Variants in EHBP1 observed in about 807,000 individuals in gnomAD.
EHBP1 encodes EH domain-binding protein 1.
In EHBP1, 55 loss-of-function variants were observed where a neutral mutation model predicts 144.0. That is an observed-to-expected ratio of 0.38 (90% confidence interval 0.31 to 0.48). The LOEUF (loss-of-function observed/expected upper bound fraction) is 0.48, where lower values mean the gene tolerates loss of function less well. Ranked by LOEUF, EHBP1 falls within the 20% of genes least tolerant of loss-of-function variation. EHBP1 has a pLI of 0.98. For missense variants in EHBP1, 1,200 were observed against 1,364.2 expected (o/e 0.88, Z 1.90); for synonymous variants, 469 against 472.7 (o/e 0.99, Z 0.10).
At chr2:62,742,447 C>G (rs753784398) in intron 2 of EHBP1, among the ~76,000 whole-genome samples, 2 of 151,962 alleles carry the variant, frequency 1.3e-5, no homozygotes, top group Non-Finnish European at 2.9e-5. Context: ...AGTTTTGTCC[C>G]CCAGATTCCT....
intron 2 of EHBP1, among the ~76,000 whole-genome samples, chr2:62,737,675 C>G (rs1401629304): frequency 6.6e-6 from 1 of 152,164 alleles, no homozygotes; most frequent in East Asian, 1.9e-4. Context: ...AACTGCCAGA[C>G]TATTTTTCGT....
intron 10 of EHBP1, among the ~76,000 whole-genome samples, chr2:62,918,864 A>G (rs1037018679): frequency 6.6e-6 from 1 of 152,104 alleles, no homozygotes; most frequent in African/African-American, 2.4e-5. Context: ...AGCACCAGGA[A>G]TCTCTCTCCC....
At chr2:62,969,605 T>G (rs545025601) in intron 14 of EHBP1, among the ~76,000 whole-genome samples, 3 of 152,182 alleles carry the variant, frequency 2.0e-5, no homozygotes, top group Admixed American at 6.5e-5. Flanking sequence ...CTGTTTACTA[T>G]TTTTCCTATG....
chr2:62,805,577 C>A (rs2152508581), intron 5 of EHBP1, among the ~76,000 whole-genome samples: 1 of 151,676 alleles, frequency 6.6e-6, no homozygotes, highest in Middle Eastern at 3.4e-3. Context: ...TATAGTGGCG[C>A]AGTCTTGGCT....
intron 9 of EHBP1, 152 bp downstream of exon 9, chr2:62,865,123 T>C: frequency 1.2e-6 from 1 of 840,502 alleles, no homozygotes; most frequent in Non-Finnish European, 1.8e-6. Flanking sequence ...GTTTATAGTC[T>C]TAAACCTTAT....
At chr2:63,017,660 A>G (rs1382578554) in intron 19 of EHBP1, among the ~76,000 whole-genome samples, 1 of 152,180 alleles carries the variant, frequency 6.6e-6, no homozygotes, top group Non-Finnish European at 1.5e-5. Flanking sequence ...GAAATAAAAG[A>G]TGAAAAACAC....
At chr2:62,822,651 T>C (rs192195520) in intron 5 of EHBP1, among the ~76,000 whole-genome samples, 22 of 152,304 alleles carry the variant, frequency 1.4e-4, no homozygotes, top group African/African-American at 5.3e-4. Context: ...TTTTTCAAAG[T>C]GGCTGTATCA....
intron 5 of EHBP1, among the ~76,000 whole-genome samples, chr2:62,772,408 C>T (rs986544262): frequency 6.6e-6 from 1 of 152,036 alleles, no homozygotes; most frequent in Non-Finnish European, 1.5e-5. Flanking sequence ...ACAGCCCATC[C>T]AAATATAGTG....
intron 1 of EHBP1, among the ~76,000 whole-genome samples, chr2:62,676,557 A>G (rs2033303381): frequency 6.6e-6 from 1 of 152,230 alleles, no homozygotes; most frequent in Non-Finnish European, 1.5e-5. Flanking sequence ...TTGACACACC[A>G]GCCATGATCC....
Position 62,894,923 on chromosome 2 carries a change from AAGAAAGAG to A in EHBP1, c.1185+20395_1185+20402del, listed in dbSNP as rs1461876244. On this transcript the variant is annotated intron_variant, in intron 10 of 22. Transcript: ENST00000431489. ...ACAGCAAGACCCTAGCAAAAACAGA[AAGAAAGAG>A]AGAGAGAGAGAGAGAGAGAGAGAGA... 5.6e-5 allele frequency among the ~76,000 whole-genome samples: 3 copies of A among 53,142 alleles called. No individual in the cohort carries two copies. The Admixed American group carries it at 6.0e-4, about 11-fold the overall frequency. The allele number at this position is 53,142 out of a possible 152,430, so 34.9% of individuals were successfully genotyped here. A position where few individuals can be genotyped will look rare whatever the true frequency, so the allele number is the denominator to read the frequency against.
chr2:62,673,908 C>A, exon 1 of EHBP1: 1 of 404,414 alleles, frequency 2.5e-6, no homozygotes, highest in Non-Finnish European at 5.0e-6. Context: ...CAAAGAGAGA[C>A]TCCAGCGAGA....
At chr2:62,878,474 CA>C (rs2051081104) in intron 10 of EHBP1, among the ~76,000 whole-genome samples, 1 of 152,168 alleles carries the variant, frequency 6.6e-6, no homozygotes, top group African/African-American at 2.4e-5. Context: ...GTGAGACCAA[CA>C]TCCTTCTGAT....
At chr2:62,681,607 C>T (rs1036654558) in intron 1 of EHBP1, among the ~76,000 whole-genome samples, 3 of 151,534 alleles carry the variant, frequency 2.0e-5, no homozygotes, top group African/African-American at 7.3e-5. Context: ...TATAGCCAAC[C>T]CTGTTTTGTT....
intron 9 of EHBP1, among the ~76,000 whole-genome samples, chr2:62,871,154 G>A (rs2050448958): frequency 6.6e-6 from 1 of 152,190 alleles, no homozygotes; most frequent in South Asian, 2.1e-4. Flanking sequence ...ATATTTGAAT[G>A]TAAATGCAAA....
chr2:62,726,010 A>G (rs1443040214), intron 2 of EHBP1, among the ~76,000 whole-genome samples: 1 of 152,046 alleles, frequency 6.6e-6, no homozygotes, highest in Non-Finnish European at 1.5e-5. Flanking sequence ...AGGCCAGCAG[A>G]CCAAGGGACA....
chr2:62,911,446 T>C (rs749158579), intron 10 of EHBP1, among the ~76,000 whole-genome samples: 2 of 152,056 alleles, frequency 1.3e-5, no homozygotes, highest in Non-Finnish European at 2.9e-5. Context: ...TCCTGTCCTG[T>C]TTAGGAACTT....
chr2:62,754,288 T>G (rs962534732), intron 3 of EHBP1, among the ~76,000 whole-genome samples: 2 of 152,052 alleles, frequency 1.3e-5, no homozygotes, highest in Non-Finnish European at 2.9e-5. Context: ...GTATCACCAG[T>G]GAAGGCTGCA....
chr2:62,836,436 TCTC>T (rs1173227544), intron 7 of EHBP1, among the ~76,000 whole-genome samples: 6 of 138,176 alleles, frequency 4.3e-5, no homozygotes, highest in African/African-American at 1.1e-4. Context: ...GCAGAGCGTC[TCTC>T]CTCCTCCAAA....
chr2:62,745,989 C>T (rs1000782100), intron 2 of EHBP1, among the ~76,000 whole-genome samples: 3 of 151,918 alleles, frequency 2.0e-5, no homozygotes, highest in African/African-American at 7.3e-5. Flanking sequence ...AAAGTACTGT[C>T]GAAATATAAT....
Sources: allele counts gnomAD v4.1 joint callset (sites outside exome capture counted in the v4.1 genomes callset), GRCh38; gene constraint gnomAD v4.1.1; transcripts MANE v1.5; gene names NCBI Gene and HGNC (gene_info 2026-07-23, HGNC 2026-07-21).